The following ESR1 variants were observed in gnomAD, a reference collection of about 807,000 sequenced individuals.
ESR1 encodes the protein estrogen receptor 1.
In ESR1, 12 loss-of-function variants were observed where a neutral mutation model predicts 52.7. The ratio of observed to expected loss-of-function variants is 0.23; its 90% CI spans 0.15 to 0.37. The LOEUF (loss-of-function observed/expected upper bound fraction) is 0.37, where lower values mean the gene tolerates loss of function less well. ESR1 is among the 10% of genes least tolerant of loss of function. The pLI, the probability that ESR1 is intolerant of heterozygous loss-of-function variation, is 1.00. For synonymous variants in ESR1, 305 were observed against 316.8 expected, an observed-to-expected ratio of 0.96 and a Z score of 0.39; for missense variants, 584 against 779.7, an observed-to-expected ratio of 0.75 and a Z score of 2.99.
intron 2 of ESR1, 117 bp from the exon 3 acceptor site, chr6:151,880,538 G>A (rs1792727315): frequency 1.0e-5 from 8 of 773,048 alleles, no homozygotes; most frequent in Admixed American, 1.0e-4. Flanking sequence ...AGGCTGGGGA[G>A]CAACATAGTA....
At chr6:151,813,482 A>G (rs561252334) in intron 1 of ESR1, 1 of 152,316 alleles carries the variant, frequency 6.6e-6, no homozygotes, top group African/African-American at 2.4e-5. Context: ...TGTTCATCCT[A>G]TACAGAAATC....
At chr6:152,031,251 G>A (rs537352545) in intron 5 of ESR1, among the ~76,000 whole-genome samples, 28 of 152,054 alleles carry the variant, frequency 1.8e-4, no homozygotes, top group East Asian at 9.7e-4. Flanking sequence ...GAGCAAACAC[G>A]TTCAAAAGCT....
intron 6 of ESR1, among the ~76,000 whole-genome samples, chr6:152,066,398 T>C (rs1383361425): frequency 2.0e-5 from 3 of 152,328 alleles, no homozygotes; most frequent in Admixed American, 1.3e-4. Flanking sequence ...TTTAAACATA[T>C]TGACTGTAAA....
chr6:151,764,811 A>C (rs1583182765), intron 2 of ESR1, among the ~76,000 whole-genome samples: 1 of 152,240 alleles, frequency 6.6e-6, no homozygotes, highest in Non-Finnish European at 1.5e-5. Flanking sequence ...CGTTTGCTTT[A>C]ATTTTGAGGT....
intron 7 of ESR1, among the ~76,000 whole-genome samples, chr6:152,097,100 T>C (rs944545456): frequency 2.0e-5 from 3 of 152,130 alleles, no homozygotes; most frequent in African/African-American, 7.2e-5. Context: ...TCTGTTGGAA[T>C]CGTGTGAAAA....
At chr6:151,743,329 C>T (rs3020304) in intron 2 of ESR1, among the ~76,000 whole-genome samples, 72,948 of 151,706 alleles carry the variant, frequency 0.48, 18,244 homozygotes, top group Non-Finnish European at 0.54. Context: ...TGCCCATGAG[C>T]TCCTTCCGTC....
chr6:151,731,596 AC>A (rs1433680082), intron 2 of ESR1, among the ~76,000 whole-genome samples: 1 of 151,846 alleles, frequency 6.6e-6, no homozygotes, highest in Non-Finnish European at 1.5e-5. Context: ...ACACATATAA[AC>A]CCTCAGAGAG....
At chr6:152,080,498 A>G (rs1470481200) in intron 6 of ESR1, among the ~76,000 whole-genome samples, 2 of 152,220 alleles carry the variant, frequency 1.3e-5, no homozygotes, top group African/African-American at 4.8e-5. Context: ...GAGCTCCTGA[A>G]GGAAGCACTA....
chr6:151,670,698 C>T (rs1002144013), intron 1 of ESR1, among the ~76,000 whole-genome samples: 10 of 151,810 alleles, frequency 6.6e-5, no homozygotes, highest in African/African-American at 2.2e-4. Context: ...ATTCTCATGG[C>T]TCAGTCTCCT....
rs375300145 is a variant in ESR1, at chr6:151,933,503, C to T, written c.761-10670C>T. Reference sequence around the variant, plus strand: ...CTTCCAACACTATGTTGAATAGGAGCGGTGAGAGAGGGCATCCCTGTCTTG... The same window carrying T: ...CTTCCAACACTATGTTGAATAGGAGTGGTGAGAGAGGGCATCCCTGTCTTG... On this transcript the variant is annotated intron_variant, in intron 3 of 7. Transcript: ENST00000206249. Among the ~76,000 whole-genome samples, 85 of 150,198 alleles carry T rather than the reference C, an allele frequency of 5.7e-4. 1 individual carries two copies. Among genetic ancestry groups the T allele is most frequent in the South Asian group, 4.5e-3 (21 of 4,660 alleles).
At chr6:151,879,486 T>C (rs575626394) in intron 2 of ESR1, among the ~76,000 whole-genome samples, 1 of 152,138 alleles carries the variant, frequency 6.6e-6, no homozygotes, top group East Asian at 1.9e-4. Context: ...TTAGAGAGCA[T>C]GTGGGGCAAG....
intron 2 of ESR1, among the ~76,000 whole-genome samples, chr6:151,778,854 G>T (rs936256844): frequency 6.6e-6 from 1 of 152,148 alleles, no homozygotes; most frequent in East Asian, 1.9e-4. Flanking sequence ...TGTTTTCGCT[G>T]TCATGCAAGT....
At chr6:151,735,010 C>G (rs983568916) in intron 2 of ESR1, among the ~76,000 whole-genome samples, 1 of 152,066 alleles carries the variant, frequency 6.6e-6, no homozygotes, top group Admixed American at 6.5e-5. Flanking sequence ...TTTGTTAAGT[C>G]ATTTTGATTT....
intron 2 of ESR1, among the ~76,000 whole-genome samples, chr6:151,789,725 T>C (rs1168653554): frequency 6.6e-6 from 1 of 152,224 alleles, no homozygotes; most frequent in African/African-American, 2.4e-5. Context: ...CCAATGTAAA[T>C]ATCAAACGTG....
chr6:151,826,663 C>G (rs1277724903), intron 1 of ESR1, among the ~76,000 whole-genome samples: 1 of 152,214 alleles, frequency 6.6e-6, no homozygotes, highest in East Asian at 1.9e-4. Context: ...CTCCCGTGCT[C>G]TTACCTCACT....
intron 4 of ESR1, among the ~76,000 whole-genome samples, chr6:151,949,316 G>A (rs553622456): frequency 6.6e-6 from 1 of 152,348 alleles, no homozygotes; most frequent in Non-Finnish European, 1.5e-5. Flanking sequence ...TAATACCTCA[G>A]TCTGGGAATT....
downstream of ESR1, among the ~76,000 whole-genome samples, chr6:152,107,254 T>C (rs1585270969): frequency 6.6e-6 from 1 of 152,276 alleles, no homozygotes; most frequent in East Asian, 1.9e-4. Flanking sequence ...TTGATGTCAA[T>C]CCCACAAATT....
At chr6:152,068,085 A>G (rs1435170557) in intron 6 of ESR1, among the ~76,000 whole-genome samples, 3 of 152,236 alleles carry the variant, frequency 2.0e-5, no homozygotes, top group African/African-American at 4.8e-5. Flanking sequence ...GCTGTTTGCA[A>G]CATGCCTGGG....
intron 2 of ESR1, among the ~76,000 whole-genome samples, chr6:151,796,581 A>G (rs552225953): frequency 6.6e-6 from 1 of 152,368 alleles, no homozygotes; most frequent in South Asian, 2.1e-4. Context: ...TTCAGTTAAC[A>G]GCCATCAGGA....
Sources: allele counts gnomAD v4.1 joint callset (sites outside exome capture counted in the v4.1 genomes callset), GRCh38; gene constraint gnomAD v4.1.1; transcripts MANE v1.5; gene names NCBI Gene and HGNC (gene_info 2026-07-23, HGNC 2026-07-21).